COMMD10: variants seen among roughly 807,000 people sequenced by gnomAD.
COMMD10 encodes COMM domain-containing protein 10.
A neutral mutation model predicts 28.9 loss-of-function variants in COMMD10; 33 were observed. That is an observed-to-expected ratio of 1.14 (90% confidence interval 0.87 to 1.53). The LOEUF is 1.53. COMMD10 is among the 40% of genes most tolerant of loss of function. The pLI is 0.00. For synonymous variants in COMMD10, 110 were observed against 81.7 expected, an observed-to-expected ratio of 1.35 and a Z score of -1.87; for missense variants, 310 against 233.4, an observed-to-expected ratio of 1.33 and a Z score of -2.14.
chr5:116,186,456 A>G (rs1748141988), intron 5 of COMMD10, among the ~76,000 whole-genome samples: 1 of 151,966 alleles, frequency 6.6e-6, no homozygotes, highest in South Asian at 2.1e-4. Context: ...GGGTTTTTGC[A>G]GGTTCTATCC....
chr5:116,176,512 C>T (rs143003201), intron 5 of COMMD10, among the ~76,000 whole-genome samples: 2 of 152,192 alleles, frequency 1.3e-5, no homozygotes, highest in East Asian at 1.9e-4. Context: ...ATTCCAAGTC[C>T]TTTAATTTTG....
intron 5 of COMMD10, among the ~76,000 whole-genome samples, chr5:116,236,127 TG>T (rs139388625): frequency 0.013 from 2,013 of 152,154 alleles, 55 homozygotes; most frequent in African/African-American, 0.047. Flanking sequence ...TAGATAACCT[TG>T]GGTATGGAAG....
chr5:116,206,952 T>C (rs1748829001), intron 5 of COMMD10, among the ~76,000 whole-genome samples: 1 of 148,948 alleles, frequency 6.7e-6, no homozygotes, highest in Admixed American at 6.8e-5. Flanking sequence ...ACGGAAATGT[T>C]GTATGAAAAA....
At chr5:116,257,678 C>T (rs149309600) in intron 5 of COMMD10, among the ~76,000 whole-genome samples, 5 of 151,324 alleles carry the variant, frequency 3.3e-5, no homozygotes, top group East Asian at 1.9e-4. Context: ...ACATTTAAGG[C>T]GATCAGCTCT....
intron 5 of COMMD10, among the ~76,000 whole-genome samples, chr5:116,245,416 TGAA>T (rs1749915907): frequency 6.6e-6 from 1 of 152,096 alleles, no homozygotes. Flanking sequence ...CCCAGATGTA[TGAA>T]GAAGAGCTGG....
At chr5:116,233,239 C>G (rs151181917) in intron 5 of COMMD10, among the ~76,000 whole-genome samples, 1 of 151,966 alleles carries the variant, frequency 6.6e-6, no homozygotes, top group Admixed American at 6.6e-5. Context: ...TCTCATGACT[C>G]TTATTACAGT....
rs144570853 is a variant in COMMD10 at position 116,255,707 on chromosome 5, G to A, written c.511-35810G>A. ...CTAACACTGTTATTTAATAGTGTAC[G>A]TAAATGCTAACTGAATATATATGTA... On this transcript the variant is annotated intron_variant, in intron 5 of 6. Transcript: ENST00000274458. 1.2e-4 allele frequency: 18 copies of A among 151,336 alleles called. No homozygotes were observed. The East Asian group carries it at 1.8e-3, about 15-fold the overall frequency. 9.4% of individuals were successfully genotyped at this position (151,336 alleles called of 1,614,324 possible).
intron 5 of COMMD10, among the ~76,000 whole-genome samples, chr5:116,246,321 A>C (rs1261531349): frequency 6.6e-6 from 1 of 152,160 alleles, no homozygotes; most frequent in Non-Finnish European, 1.5e-5. Flanking sequence ...AACACTGCTT[A>C]AAGAAATCAG....
intron 5 of COMMD10, among the ~76,000 whole-genome samples, chr5:116,222,430 C>G (rs1249041090): frequency 6.6e-6 from 1 of 152,094 alleles, no homozygotes; most frequent in Non-Finnish European, 1.5e-5. Context: ...ATTAGGGTAT[C>G]AAAGTCTTAT....
intron 5 of COMMD10, among the ~76,000 whole-genome samples, chr5:116,221,387 T>C (rs1320712708): frequency 6.6e-6 from 1 of 152,180 alleles, no homozygotes; most frequent in Non-Finnish European, 1.5e-5. Flanking sequence ...ATTCTTTCTG[T>C]GTTACAAACC....
At chr5:116,191,321 C>A (rs1214485640) in intron 5 of COMMD10, among the ~76,000 whole-genome samples, 1 of 152,086 alleles carries the variant, frequency 6.6e-6, no homozygotes, top group Non-Finnish European at 1.5e-5. Context: ...GGACACAAAT[C>A]TGGAGGGCAC....
At chr5:116,241,742 A>C (rs1749819386) in intron 5 of COMMD10, among the ~76,000 whole-genome samples, 2 of 151,966 alleles carry the variant, frequency 1.3e-5, no homozygotes, top group Non-Finnish European at 2.9e-5. Flanking sequence ...CCTTCTGAGT[A>C]GCTGGGACTA....
In COMMD10 at chr5:116,121,992, T is replaced by C. The variant is rs541657921; in HGVS notation, c.400-12076T>C. Among the ~76,000 whole-genome samples, 22 of 152,366 alleles carry C rather than the reference T, an allele frequency of 1.4e-4. No individual in the cohort carries two copies. In the East Asian group the frequency reaches 4.0e-3, roughly 28 times the overall value. The stretch of plus-strand genomic sequence containing the variant: ...GCAGAAGCTCTTTAGTTTAATTAGA[T>C]TCCATTTGACTATTTTGGCTTTTGT... On this transcript the variant is annotated intron_variant, in intron 4 of 6. Transcript: ENST00000274458.
chr5:116,180,755 T>C (rs1372950919), intron 5 of COMMD10, among the ~76,000 whole-genome samples: 2 of 152,108 alleles, frequency 1.3e-5, no homozygotes, highest in Non-Finnish European at 2.9e-5. Context: ...CTTGGGATCA[T>C]TTAGGGGGAT....
intron 5 of COMMD10, among the ~76,000 whole-genome samples, chr5:116,136,501 A>C (rs1752028466): frequency 6.6e-6 from 1 of 152,224 alleles, no homozygotes; most frequent in South Asian, 2.1e-4. Context: ...TTTAAGCATC[A>C]TGAGTTCAGC....
chr5:116,261,351 C>T (rs10043228), intron 5 of COMMD10, among the ~76,000 whole-genome samples: 15,782 of 151,614 alleles, frequency 0.1, 1,036 homozygotes, highest in African/African-American at 0.15. Flanking sequence ...CCTAATCTTG[C>T]CTAGCGTAAT....
chr5:116,144,504 T>G (rs374446995), intron 5 of COMMD10, among the ~76,000 whole-genome samples: 1 of 152,006 alleles, frequency 6.6e-6, no homozygotes, highest in African/African-American at 2.4e-5. Flanking sequence ...CAGGTCTGTC[T>G]GACTCCATAG....
At chr5:116,199,447 A>AT (rs1056904177) in intron 5 of COMMD10, among the ~76,000 whole-genome samples, 1 of 151,904 alleles carries the variant, frequency 6.6e-6, no homozygotes, top group Non-Finnish European at 1.5e-5. Context: ...CCCAGTATAG[A>AT]TTTTTTGTTT....
intron 5 of COMMD10, among the ~76,000 whole-genome samples, chr5:116,134,922 A>T (rs1352104527): frequency 6.7e-6 from 1 of 149,008 alleles, no homozygotes; most frequent in South Asian, 2.1e-4. Context: ...CGCCCGGCCT[A>T]CAATTTTTTT....
Sources: allele counts gnomAD v4.1 joint callset (sites outside exome capture counted in the v4.1 genomes callset), GRCh38; gene constraint gnomAD v4.1.1; transcripts MANE v1.5; gene names NCBI Gene and HGNC (gene_info 2026-07-23, HGNC 2026-07-21).